Variants in KCTD8 observed in about 807,000 individuals in gnomAD.
The protein encoded by KCTD8 is potassium channel tetramerization domain containing 8, also known as BTB/POZ domain-containing protein KCTD8.
In KCTD8, 27 loss-of-function variants were observed where a neutral mutation model predicts 31.5. The ratio of observed to expected loss-of-function variants is 0.86; its 90% CI spans 0.63 to 1.18. The LOEUF (loss-of-function observed/expected upper bound fraction) is 1.18. KCTD8 is among the 50% of genes most tolerant of loss of function. The probability of loss-of-function intolerance (pLI) is 0.00; values close to 1 mark genes in which losing one functional copy is unlikely to be tolerated. For missense variants in KCTD8, 658 were observed against 647.7 expected (o/e 1.02, Z -0.17); for synonymous variants, 290 against 280.0 (o/e 1.04, Z -0.36).
chr4:44,426,917 A>G (rs1721363799), intron 1 of KCTD8, among the ~76,000 whole-genome samples: 1 of 151,710 alleles, frequency 6.6e-6, no homozygotes, highest in South Asian at 2.1e-4. Flanking sequence ...CAAATTCCAA[A>G]ATGAGATATT....
intron 1 of KCTD8, among the ~76,000 whole-genome samples, chr4:44,426,135 A>G (rs1456902938): frequency 6.6e-6 from 1 of 151,846 alleles, no homozygotes; most frequent in Non-Finnish European, 1.5e-5. Context: ...TGTATGATAC[A>G]TTTGTAAGGT....
intron 1 of KCTD8, among the ~76,000 whole-genome samples, chr4:44,202,338 T>A (rs960777861): frequency 1.3e-5 from 2 of 152,162 alleles, no homozygotes; most frequent in Non-Finnish European, 2.9e-5. Flanking sequence ...ACATGTTCAT[T>A]GCAGCACTAT....
At chr4:44,294,178 TAAAC>T (rs918370139) in intron 1 of KCTD8, among the ~76,000 whole-genome samples, 2 of 152,154 alleles carry the variant, frequency 1.3e-5, no homozygotes, top group African/African-American at 4.8e-5. Flanking sequence ...AAGGGGAAGA[TAAAC>T]AATCACATTA....
chr4:44,203,319 A>G (rs1714204128), intron 1 of KCTD8, among the ~76,000 whole-genome samples: 3 of 152,062 alleles, frequency 2.0e-5, no homozygotes, highest in Admixed American at 2.0e-4. Context: ...CTTGACCAAC[A>G]TGATGAAATT....
At chr4:44,331,955 T>G (rs1718601009) in intron 1 of KCTD8, among the ~76,000 whole-genome samples, 1 of 151,584 alleles carries the variant, frequency 6.6e-6, no homozygotes, top group Non-Finnish European at 1.5e-5. Flanking sequence ...CTTAAACCAA[T>G]TCTTCAAAAA....
At chr4:44,256,060 A>G (rs1844632) in intron 1 of KCTD8, among the ~76,000 whole-genome samples, 43,833 of 151,566 alleles carry the variant, frequency 0.29, 6,459 homozygotes, top group East Asian at 0.37. Flanking sequence ...CGCTTGTTAC[A>G]TGGTGGCAGG....
At chr4:44,244,035 T>A (rs1715580029) in intron 1 of KCTD8, among the ~76,000 whole-genome samples, 1 of 151,950 alleles carries the variant, frequency 6.6e-6, no homozygotes, top group South Asian at 2.1e-4. Context: ...TCAGGTAGGG[T>A]TGCCAGATAA....
At chr4:44,286,296 C>A (rs1717065828) in intron 1 of KCTD8, among the ~76,000 whole-genome samples, 1 of 152,082 alleles carries the variant, frequency 6.6e-6, no homozygotes, top group African/African-American at 2.4e-5. Flanking sequence ...TTCAGTATCT[C>A]TGAAAATACA....
At chr4:44,391,016 C>T (rs1005670010) in intron 1 of KCTD8, among the ~76,000 whole-genome samples, 18 of 151,898 alleles carry the variant, frequency 1.2e-4, no homozygotes, top group African/African-American at 3.4e-4. Context: ...GATGAAATAA[C>T]GGCATTTGCA....
intron 1 of KCTD8, among the ~76,000 whole-genome samples, chr4:44,295,258 T>C (rs1717394421): frequency 6.6e-6 from 1 of 152,264 alleles, no homozygotes; most frequent in Middle Eastern, 3.4e-3. Flanking sequence ...ACTGTGCCAC[T>C]GCACTCCAGC....
At chr4:44,328,015 T>C (rs972390176) in intron 1 of KCTD8, among the ~76,000 whole-genome samples, 2 of 151,936 alleles carry the variant, frequency 1.3e-5, no homozygotes, top group Non-Finnish European at 2.9e-5. Flanking sequence ...GAAAGTGAAG[T>C]AATGCTTCTC....
At chr4:44,328,950 C>T (rs1017924233) in intron 1 of KCTD8, among the ~76,000 whole-genome samples, 4 of 151,798 alleles carry the variant, frequency 2.6e-5, no homozygotes, top group Non-Finnish European at 4.4e-5. Flanking sequence ...TCCAACCGTG[C>T]AAGATACTTA....
chr4:44,293,582 T>A, intron 1 of KCTD8: 1 of 364,112 alleles, frequency 2.7e-6, no homozygotes, highest in South Asian at 2.2e-5. Context: ...AAGCAAATTA[T>A]ATTTATTATT....
chr4:44,398,189 C>A (rs1327757685), intron 1 of KCTD8, among the ~76,000 whole-genome samples: 1 of 152,116 alleles, frequency 6.6e-6, no homozygotes, highest in African/African-American at 2.4e-5. Context: ...GAGTTTAAAG[C>A]TTTTTATCTG....
intron 1 of KCTD8, among the ~76,000 whole-genome samples, chr4:44,211,847 G>T (rs1033076983): frequency 4.0e-5 from 6 of 151,670 alleles, no homozygotes; most frequent in Non-Finnish European, 4.4e-5. Flanking sequence ...TGTATATTTT[G>T]TATGATTTGT....
At chr4:44,412,941 C>T (rs1720995875) in intron 1 of KCTD8, among the ~76,000 whole-genome samples, 1 of 152,136 alleles carries the variant, frequency 6.6e-6, no homozygotes, top group Non-Finnish European at 1.5e-5. Context: ...AGCCCTTCCT[C>T]ACCTTAACAT....
intron 1 of KCTD8, among the ~76,000 whole-genome samples, chr4:44,353,121 A>G (rs948038368): frequency 6.6e-6 from 1 of 152,084 alleles, no homozygotes; most frequent in Non-Finnish European, 1.5e-5. Context: ...ATTGCAGTCA[A>G]TTTCTGCCCT....
chr4:44,338,053 A>C (rs545310665), intron 1 of KCTD8, among the ~76,000 whole-genome samples: 9 of 152,224 alleles, frequency 5.9e-5, no homozygotes, highest in African/African-American at 2.2e-4. Flanking sequence ...AGAAAAAAAT[A>C]CATTTAAATC....
intron 1 of KCTD8, among the ~76,000 whole-genome samples, chr4:44,265,388 T>A (rs1208082596): frequency 6.6e-6 from 1 of 152,100 alleles, no homozygotes. Context: ...CAAAAACCCA[T>A]CTGTACATCA....
Sources: gnomAD v4.1 joint callset for allele counts (sites outside exome capture counted in the v4.1 genomes callset) on GRCh38, gnomAD v4.1.1 for gene constraint, MANE v1.5 for transcripts, NCBI Gene and HGNC (gene_info 2026-07-23, HGNC 2026-07-21) for gene names.